The following LRCH2 variants were observed in gnomAD, a reference collection of about 807,000 sequenced individuals.
The protein encoded by LRCH2 is leucine rich repeats and calponin homology domain containing 2.
In LRCH2, 38 loss-of-function variants were observed where a neutral mutation model predicts 68.9. That is an observed-to-expected ratio of 0.55 (90% confidence interval 0.43 to 0.72). The LOEUF (loss-of-function observed/expected upper bound fraction) is 0.72, where lower values mean the gene tolerates loss of function less well. LRCH2 is among the 30% of genes least tolerant of loss of function. The pLI, the probability that LRCH2 is intolerant of heterozygous loss-of-function variation, is 0.00. For synonymous variants in LRCH2, 191 were observed against 208.1 expected, an observed-to-expected ratio of 0.92 and a Z score of 0.71; for missense variants, 528 against 572.9, an observed-to-expected ratio of 0.92 and a Z score of 0.80.
intron 6 of LRCH2, among the ~76,000 whole-genome samples, chrX:115,166,798 CA>C (rs1220768115): frequency 9.0e-6 from 1 of 110,687 alleles, no homozygotes; most frequent in African/African-American, 3.3e-5. Context: ...ATGAAAGCTA[CA>C]AAGTATTGAA....
intron 1 of LRCH2, among the ~76,000 whole-genome samples, chrX:115,201,254 T>C (rs782113286): frequency 9.0e-6 from 1 of 111,328 alleles, no homozygotes; most frequent in Non-Finnish European, 1.9e-5. Flanking sequence ...ACACAACACA[T>C]AGGAATTATG....
chrX:115,224,196 G>A (rs1414434513), intron 1 of LRCH2, among the ~76,000 whole-genome samples: 2 of 111,535 alleles, frequency 1.8e-5, no homozygotes, highest in African/African-American at 6.5e-5. Flanking sequence ...ATGAATGGTT[G>A]CCTAGGGTTT....
At chrX:115,202,542 A>C (rs1237218937) in intron 1 of LRCH2, among the ~76,000 whole-genome samples, 1 of 112,219 alleles carries the variant, frequency 8.9e-6, no homozygotes, top group Non-Finnish European at 1.9e-5. Context: ...AAAAACAAGA[A>C]CAGCCACACT....
chrX:115,147,067 G>A lies in LRCH2; in HGVS notation c.1695+2760C>T, dbSNP rs782246360. On this transcript the variant is annotated intron_variant, in intron 14 of 20. Coordinates refer to ENST00000317135, the MANE Select transcript of LRCH2 (RefSeq NM_020871.4). ...CGTATTAAGATAAAGTTGCACAAAA[G>A]TTCTGTACATTTCGTAACATAGCAA... 5.4e-5 allele frequency among the ~76,000 whole-genome samples: 6 copies of A among 110,494 alleles called. No individual in the cohort carries two copies. In the East Asian group the frequency reaches 1.7e-3, roughly 31 times the overall value.
At chrX:115,206,657 C>A (rs1009532769) in intron 1 of LRCH2, among the ~76,000 whole-genome samples, 7 of 111,423 alleles carry the variant, frequency 6.3e-5, no homozygotes, top group Non-Finnish European at 1.3e-4. Context: ...AGTAAATATG[C>A]AGGTAAATCT....
rs1309511153 is a variant in LRCH2, at chrX:115,113,034, C to T, written c.*182G>A. On this transcript the variant is annotated 3_prime_UTR_variant, in exon 21 of 21. Coordinates refer to ENST00000317135, the MANE Select transcript of LRCH2 (RefSeq NM_020871.4). ...ACTCTTATTAAGTTAATCCAGTTTTCCCCCAAAGAAGTTCGGGCAATTCAA... is the reference window on the plus strand; with the variant it reads ...ACTCTTATTAAGTTAATCCAGTTTTTCCCCAAAGAAGTTCGGGCAATTCAA... The T allele has an allele frequency of 6.4e-6, 2 of 311,793 alleles. No homozygotes were observed. Among genetic ancestry groups the T allele is most frequent in the Non-Finnish European group, 1.1e-5 (2 of 179,345 alleles). The allele number at this position is 311,793 out of a possible 1,213,427, so 25.7% of individuals were successfully genotyped here. A position where few individuals can be genotyped will look rare whatever the true frequency, so the allele number is the denominator to read the frequency against.
At chrX:115,146,535 A>AAT (rs1556536210) in intron 14 of LRCH2, among the ~76,000 whole-genome samples, 1 of 109,689 alleles carries the variant, frequency 9.1e-6, no homozygotes, top group African/African-American at 3.3e-5. Flanking sequence ...GTATCCCATA[A>AAT]ATATATATAC....
chrX:115,153,905 T>C (rs782514815), intron 12 of LRCH2, among the ~76,000 whole-genome samples: 69 of 111,552 alleles, frequency 6.2e-4, no homozygotes, highest in Non-Finnish European at 1.2e-3. Context: ...CCTCAAAATA[T>C]CATTAATTAC....
chrX:115,192,590 G>A lies in LRCH2; in HGVS notation c.350-4220C>T, dbSNP rs782333242. The stretch of plus-strand genomic sequence containing the variant: ...CGGTCAGGCTGCAGGGTGCCCAGGG[G>A]CGGAGGCCGTCAAGGAGGCCGCTTC... On this transcript the variant is annotated intron_variant, in intron 1 of 20. Transcript: ENST00000317135. The A allele has an allele frequency of 9.2e-5, 108 of 1,170,153 alleles. No homozygotes were observed. The highest frequency in any genetic ancestry group is 1.1e-4 in the Non-Finnish European group (98 of 874,630).
At chrX:115,125,618 T>C (rs1449822067) in intron 16 of LRCH2, among the ~76,000 whole-genome samples, 1 of 81,055 alleles carries the variant, frequency 1.2e-5, no homozygotes, top group Non-Finnish European at 2.3e-5. Context: ...TATATATATA[T>C]GTATATATAT....
At chrX:115,147,364 C>T (rs970826307) in intron 14 of LRCH2, among the ~76,000 whole-genome samples, 8 of 111,021 alleles carry the variant, frequency 7.2e-5, no homozygotes, top group African/African-American at 2.6e-4. Flanking sequence ...TTCTTGACAT[C>T]TTAGGAAAAA....
In LRCH2 at chrX:115,163,659, A is replaced by G; in HGVS notation, c.1463+17T>C. 2 of 1,116,056 alleles carry G rather than the reference A, an allele frequency of 1.8e-6. No homozygotes were observed. Among genetic ancestry groups the G allele is most frequent in the Non-Finnish European group, 2.4e-6 (2 of 824,792 alleles). The allele number at this position is 1,116,056 out of a possible 1,213,427, so 92.0% of individuals were successfully genotyped here. A position where few individuals can be genotyped will look rare whatever the true frequency, so the allele number is the denominator to read the frequency against. On this transcript the variant is annotated intron_variant, in intron 11 of 20. Transcript: ENST00000317135. ...TATAAAATTTGCCAATTCAAATCTC[A>G]TTACTGAAAGGAATACCTGTTCTTC... is the stretch of plus-strand genomic sequence containing the variant.
intron 11 of LRCH2, among the ~76,000 whole-genome samples, chrX:115,160,766 G>C (rs2072512954): frequency 9.0e-6 from 1 of 111,505 alleles, no homozygotes; most frequent in African/African-American, 3.3e-5. Flanking sequence ...TCCACAACCA[G>C]AGAAGGTATA....
chrX:115,129,208 T>C (rs2072223109), intron 15 of LRCH2, among the ~76,000 whole-genome samples: 1 of 110,932 alleles, frequency 9.0e-6, no homozygotes, highest in African/African-American at 3.3e-5. Context: ...TGTTATTCAC[T>C]GAAGGCTTGA....
intron 3 of LRCH2, among the ~76,000 whole-genome samples, 181 bp from the exon 4 acceptor site, chrX:115,179,932 C>T (rs1472372640): frequency 2.7e-5 from 3 of 110,463 alleles, no homozygotes; most frequent in Admixed American, 9.8e-5. Context: ...ATCATGAAGC[C>T]GACCTAGTAC....
chrX:115,148,557 C>A (rs782109617), intron 14 of LRCH2, among the ~76,000 whole-genome samples: 3 of 111,854 alleles, frequency 2.7e-5, no homozygotes, highest in Non-Finnish European at 5.6e-5. Flanking sequence ...CCCATACCAT[C>A]AGTCATTCAC....
intron 12 of LRCH2, among the ~76,000 whole-genome samples, chrX:115,152,129 C>A (rs2072436820): frequency 9.0e-6 from 1 of 111,456 alleles, no homozygotes; most frequent in African/African-American, 3.3e-5. Flanking sequence ...GTACCAGTTC[C>A]CACCAGCTAA....
chrX:115,223,020 A>G (rs2073095464), intron 1 of LRCH2, among the ~76,000 whole-genome samples: 1 of 112,216 alleles, frequency 8.9e-6, no homozygotes, highest in Non-Finnish European at 1.9e-5. Context: ...GAGAGTTCAG[A>G]AATAAATCTT....
At position 115,130,192 on chromosome X, in the gene LRCH2, G is replaced by A. The variant is rs782575400; in HGVS notation, c.1703C>T (p.Ser568Leu). The change falls in exon 15 of 21, where the codon TCA becomes TTA. Residue 568 changes from serine (S) to leucine (L), a missense_variant. Coordinates refer to ENST00000317135, the MANE Select transcript of LRCH2 (RefSeq NM_020871.4). ...QIRKEYFKYKSMRKSSSGNEN... is the reference protein window; with the variant it reads ...QIRKEYFKYKLMRKSSSGNEN... ...ATTGCCACTTGAACTCTTCCTCATT[G>A]ATTTATACTGAAAAATATTTAAAAC... 3.0e-6 allele frequency: 3 copies of A among 1,003,150 alleles called. No homozygotes were observed. The highest frequency in any genetic ancestry group is 4.1e-6 in the Non-Finnish European group (3 of 733,781). 82.7% of individuals were successfully genotyped at this position (1,003,150 alleles called of 1,213,427 possible). A position where few individuals can be genotyped will look rare whatever the true frequency, so the allele number is the denominator to read the frequency against.
Sources: allele counts gnomAD v4.1 joint callset (sites outside exome capture counted in the v4.1 genomes callset), GRCh38; gene constraint gnomAD v4.1.1; transcripts MANE v1.5; gene names NCBI Gene and HGNC (gene_info 2026-07-23, HGNC 2026-07-21).